Variants in GNA12 observed in about 807,000 individuals in gnomAD.
GNA12 encodes the protein G protein subunit alpha 12.
In GNA12, 9 loss-of-function variants were observed where a neutral mutation model predicts 26.0. The observed-to-expected ratio is 0.35, with a 90% CI of 0.21 to 0.60. The LOEUF (loss-of-function observed/expected upper bound fraction) is 0.60, where lower values mean the gene tolerates loss of function less well. Among genes scored for constraint, GNA12 ranks in the 20% least tolerant of loss-of-function variants. GNA12 has a pLI of 0.78. For synonymous variants in GNA12, 264 were observed against 219.6 expected, an observed-to-expected ratio of 1.20 and a Z score of -1.79; for missense variants, 405 against 525.8, an observed-to-expected ratio of 0.77 and a Z score of 2.25.
At chr7:2,794,081 C>T (rs1447693435) in intron 2 of GNA12, among the ~76,000 whole-genome samples, 2 of 152,000 alleles carry the variant, frequency 1.3e-5, no homozygotes, top group Non-Finnish European at 2.9e-5. Flanking sequence ...AAAGGCAAGT[C>T]ACAGAAGCAT....
At chr7:2,764,310 T>C (rs1050234348) in intron 2 of GNA12, among the ~76,000 whole-genome samples, 2 of 151,544 alleles carry the variant, frequency 1.3e-5, no homozygotes, top group Non-Finnish European at 2.9e-5. Context: ...CTCAAACTCC[T>C]AGGCTGGAGT....
chr7:2,744,268 C>G (rs1322856450), intron 2 of GNA12, among the ~76,000 whole-genome samples: 1 of 152,210 alleles, frequency 6.6e-6, no homozygotes, highest in African/African-American at 2.4e-5. Flanking sequence ...GAGGCACCCC[C>G]CAGTAGGGGC....
chr7:2,762,667 A>T, intron 2 of GNA12: 1 of 1,598,096 alleles, frequency 6.3e-7, no homozygotes, highest in East Asian at 2.3e-5. Context: ...TGAGAGGATA[A>T]ATCATTTGGA....
intron 2 of GNA12, among the ~76,000 whole-genome samples, chr7:2,794,200 G>A (rs1032775188): frequency 6.6e-6 from 1 of 152,098 alleles, no homozygotes; most frequent in Non-Finnish European, 1.5e-5. Context: ...TCATAAGAAC[G>A]GCAAAGGATT....
intron 2 of GNA12, among the ~76,000 whole-genome samples, chr7:2,736,636 G>C (rs943740948): frequency 5.3e-5 from 8 of 152,208 alleles, no homozygotes; most frequent in Non-Finnish European, 8.8e-5. Context: ...GCAGGACCTA[G>C]GCCGACACAC....
chr7:2,819,735 G>A (rs765589268), intron 1 of GNA12, among the ~76,000 whole-genome samples: 3 of 152,152 alleles, frequency 2.0e-5, no homozygotes, highest in Non-Finnish European at 2.9e-5. Context: ...GGAATTCAAA[G>A]GACAGATAAA....
chr7:2,787,135 G>C (rs1792382864), intron 2 of GNA12, among the ~76,000 whole-genome samples: 1 of 152,154 alleles, frequency 6.6e-6, no homozygotes. Flanking sequence ...CTCTTCCTCA[G>C]GGCGGACACA....
At chr7:2,769,384 G>A (rs780581968) in intron 2 of GNA12, among the ~76,000 whole-genome samples, 1 of 152,090 alleles carries the variant, frequency 6.6e-6, no homozygotes. Flanking sequence ...TGTAAGCTAG[G>A]TATCTGTAAA....
At chr7:2,814,950 G>A (rs1450587618) in intron 1 of GNA12, 11 of 1,576,232 alleles carry the variant, frequency 7.0e-6, no homozygotes, top group South Asian at 1.2e-5. Flanking sequence ...CTACAATACA[G>A]TAGGCGCTCT....
At chr7:2,833,519 T>G (rs1361389319) in intron 1 of GNA12, among the ~76,000 whole-genome samples, 1 of 152,144 alleles carries the variant, frequency 6.6e-6, no homozygotes, top group Non-Finnish European at 1.5e-5. Context: ...ATAATCAACA[T>G]GTAAACTCGA....
intron 1 of GNA12, chr7:2,815,177 A>G (rs1793189107): frequency 3.9e-6 from 2 of 510,388 alleles, no homozygotes; most frequent in Admixed American, 6.9e-5. Flanking sequence ...AACATCGGCG[A>G]GGTGCCTGCG....
chr7:2,806,350 G>C (rs1268439394), intron 1 of GNA12, among the ~76,000 whole-genome samples: 1 of 151,620 alleles, frequency 6.6e-6, no homozygotes. Context: ...GTGGGCACAT[G>C]GTGGCAGGTG....
intron 1 of GNA12, among the ~76,000 whole-genome samples, chr7:2,815,430 G>A (rs968456804): frequency 5.3e-5 from 8 of 152,204 alleles, no homozygotes; most frequent in African/African-American, 1.7e-4. Flanking sequence ...AGGCTGGAGC[G>A]TGTAGGAGAG....
chr7:2,795,595 T>A (rs1286793020), intron 1 of GNA12, among the ~76,000 whole-genome samples: 8 of 142,876 alleles, frequency 5.6e-5, no homozygotes, highest in African/African-American at 2.1e-4. Flanking sequence ...TGCACTATAT[T>A]CTAGGCTGGG....
At chr7:2,765,296 C>T (rs529098817) in intron 2 of GNA12, among the ~76,000 whole-genome samples, 1 of 151,894 alleles carries the variant, frequency 6.6e-6, no homozygotes, top group Non-Finnish European at 1.5e-5. Flanking sequence ...CACAGGCACC[C>T]GCCACTGCGC....
chr7:2,745,700 C>T (rs1790731538), intron 2 of GNA12, among the ~76,000 whole-genome samples: 1 of 152,206 alleles, frequency 6.6e-6, no homozygotes. Context: ...GGGCTAAATG[C>T]TCCAATTAAA....
At chr7:2,825,473 G>A (rs2114967358) in intron 1 of GNA12, among the ~76,000 whole-genome samples, 1 of 152,330 alleles carries the variant, frequency 6.6e-6, no homozygotes, top group South Asian at 2.1e-4. Context: ...CCCTAAAGGG[G>A]TGTGTTTTCA....
At chr7:2,741,497 T>C (rs1302109567) in intron 2 of GNA12, among the ~76,000 whole-genome samples, 1 of 152,204 alleles carries the variant, frequency 6.6e-6, no homozygotes, top group African/African-American at 2.4e-5. Flanking sequence ...GTTAGCTTTC[T>C]ACTTTTTGGG....
intron 1 of GNA12, among the ~76,000 whole-genome samples, chr7:2,817,918 C>T (rs1309880160): frequency 2.0e-5 from 3 of 152,150 alleles, no homozygotes; most frequent in Admixed American, 6.5e-5. Flanking sequence ...TCCATAAGTA[C>T]ACTACACATG....
Sources: gnomAD v4.1 joint callset for allele counts (sites outside exome capture counted in the v4.1 genomes callset) on GRCh38, gnomAD v4.1.1 for gene constraint, MANE v1.5 for transcripts, NCBI Gene and HGNC (gene_info 2026-07-23, HGNC 2026-07-21) for gene names.